PCBP3: variants seen among roughly 807,000 people sequenced by gnomAD.
The protein encoded by PCBP3 is poly(rC) binding protein 3.
PCBP3 carries 25 observed loss-of-function variants against 52.7 expected under a neutral mutation model. The ratio of observed to expected loss-of-function variants is 0.47; its 90% confidence interval spans 0.35 to 0.66. PCBP3 has a LOEUF of 0.66. Ranked by LOEUF, PCBP3 falls within the 30% of genes least tolerant of loss-of-function variation. PCBP3 has a pLI of 0.01. For missense variants in PCBP3, 391 were observed against 490.3 expected (o/e 0.80, Z 1.91); for synonymous variants, 162 against 183.0 (o/e 0.89, Z 0.93).
rs1174774571 is a variant in PCBP3, at chr21:45,880,795, C to A, written c.11-15413C>A. ...AAGTGGGTGGGAGAACTCACCCTGT[C>A]CCTGCCACGGAAGCCAGGGAGCCAG... On this transcript the variant is annotated intron_variant, in intron 5 of 17. Transcript: ENST00000681687. The surrounding 1 kb of genome is among the most constrained non-coding windows in gnomAD (Gnocchi z 5.4). 6.6e-6 allele frequency among the ~76,000 whole-genome samples: 1 copy of A among 152,180 alleles called. No individual in the cohort carries two copies. Among genetic ancestry groups the A allele is most frequent in the African/African-American group, 2.4e-5 (1 of 41,444 alleles).
chr21:45,711,792 A>G (rs1015223241), intron 2 of PCBP3, among the ~76,000 whole-genome samples: 3 of 152,252 alleles, frequency 2.0e-5, no homozygotes, highest in African/African-American at 7.2e-5. Flanking sequence ...GTTTTAAAAT[A>G]AAGTACATAC....
At chr21:45,935,471 G>T (rs777974679) in intron 16 of PCBP3, 166 bp downstream of exon 16, 2 of 701,928 alleles carry the variant, frequency 2.8e-6, no homozygotes, top group African/African-American at 1.7e-5. Context: ...TTTTAAAGTG[G>T]GTTTAATGCC....
intron 13 of PCBP3, among the ~76,000 whole-genome samples, chr21:45,926,914 C>T (rs545724785): frequency 1.3e-5 from 2 of 152,216 alleles, no homozygotes; most frequent in East Asian, 1.9e-4. Flanking sequence ...CATGGGAGAG[C>T]GGGGAGAAGA....
At chr21:45,645,532 C>T (rs1223493160) in intron 1 of PCBP3, among the ~76,000 whole-genome samples, 2 of 152,194 alleles carry the variant, frequency 1.3e-5, no homozygotes, top group Non-Finnish European at 2.9e-5. Context: ...AAAACCCACA[C>T]AGCTTTGTGG....
chr21:45,901,336 C>T (rs1208883342), intron 9 of PCBP3: 10 of 505,460 alleles, frequency 2.0e-5, no homozygotes, highest in East Asian at 1.4e-4. Context: ...CAGCTACTCC[C>T]GGCTGTATGC....
At chr21:45,867,498 G>A (rs1474972797) in intron 5 of PCBP3, among the ~76,000 whole-genome samples, 2 of 152,240 alleles carry the variant, frequency 1.3e-5, no homozygotes, top group East Asian at 3.8e-4. Flanking sequence ...CACCGCACGC[G>A]GAGGGTGCGG....
At chr21:45,726,023 T>G (rs913323870) in intron 2 of PCBP3, among the ~76,000 whole-genome samples, 1 of 152,004 alleles carries the variant, frequency 6.6e-6, no homozygotes, top group Admixed American at 6.5e-5. Flanking sequence ...GGGAAGGCAC[T>G]GGGGTGCAGG....
chr21:45,672,050 G>A (rs923756505), intron 2 of PCBP3, among the ~76,000 whole-genome samples: 4 of 152,122 alleles, frequency 2.6e-5, no homozygotes, highest in African/African-American at 9.7e-5. Flanking sequence ...TGGATCTTGA[G>A]GGCTGTTCCC....
At chr21:45,923,143 G>T (rs1228968349) in intron 13 of PCBP3, among the ~76,000 whole-genome samples, 1 of 152,260 alleles carries the variant, frequency 6.6e-6, no homozygotes, top group Non-Finnish European at 1.5e-5. Context: ...CACTTGCAGA[G>T]ATTTGGGCAG....
At chr21:45,895,936 G>A (rs937071257) in intron 5 of PCBP3, among the ~76,000 whole-genome samples, 1 of 152,274 alleles carries the variant, frequency 6.6e-6, no homozygotes, top group African/African-American at 2.4e-5. Context: ...GTGACCCTGG[G>A]CAGATGCAGA....
intron 17 of PCBP3, among the ~76,000 whole-genome samples, chr21:45,941,203 C>T (rs2077433528): frequency 6.6e-6 from 1 of 152,200 alleles, no homozygotes; most frequent in Non-Finnish European, 1.5e-5. Flanking sequence ...ATTGGCAAAC[C>T]CAGGGCGAGC....
chr21:45,698,204 G>T (rs540034532), intron 2 of PCBP3, among the ~76,000 whole-genome samples: 193 of 152,292 alleles, frequency 1.3e-3, no homozygotes, highest in African/African-American at 4.5e-3. Context: ...TTAGGCTGAG[G>T]TACCATCCTC....
intron 9 of PCBP3, 35 bp downstream of exon 9, chr21:45,901,148 CG>C (rs2096023851): frequency 1.4e-6 from 2 of 1,457,476 alleles, no homozygotes. Context: ...GCCAGCCTGG[CG>C]GGGGCAGGCC....
intron 4 of PCBP3, among the ~76,000 whole-genome samples, chr21:45,812,218 A>G (rs994648345): frequency 5.9e-5 from 9 of 152,134 alleles, no homozygotes; most frequent in African/African-American, 2.2e-4. Flanking sequence ...GTCTCAGTCA[A>G]TTTAGAGGTT....
chr21:45,911,035 C>A lies in PCBP3; in HGVS notation c.600+5C>A. The A allele has an allele frequency of 6.2e-7, 1 of 1,608,432 alleles. No homozygotes were observed. The highest frequency in any genetic ancestry group is 8.5e-7 in the Non-Finnish European group (1 of 1,179,898). On this transcript the variant is annotated splice_donor_5th_base_variant and intron_variant, in intron 11 of 17. Coordinates refer to ENST00000681687, the MANE Select transcript of PCBP3 (RefSeq NM_001384156.1). ...ATCTGTGTGGTCATGCTGGAGGTAC[C>A]GTCTGCGCGCCAGGGCCAGCCCACG...
intron 3 of PCBP3, among the ~76,000 whole-genome samples, chr21:45,754,567 TG>T (rs1764697424): frequency 1.3e-5 from 2 of 152,336 alleles, no homozygotes; most frequent in South Asian, 4.1e-4. Flanking sequence ...AAAATATTCG[TG>T]AGTTTTAAAT....
chr21:45,889,382 CT>C (rs779468559), intron 5 of PCBP3, among the ~76,000 whole-genome samples: 2 of 152,242 alleles, frequency 1.3e-5, no homozygotes, highest in Non-Finnish European at 2.9e-5. Context: ...TACTGTTCCC[CT>C]GATGCCTCCA....
intron 9 of PCBP3, among the ~76,000 whole-genome samples, chr21:45,908,739 C>A (rs1349314710): frequency 6.6e-6 from 1 of 152,202 alleles, no homozygotes; most frequent in South Asian, 2.1e-4. Flanking sequence ...CTGTCCCCCA[C>A]GGGTTGCCAG....
intron 13 of PCBP3, among the ~76,000 whole-genome samples, chr21:45,922,707 A>G (rs2074614997): frequency 6.6e-6 from 1 of 152,270 alleles, no homozygotes; most frequent in Non-Finnish European, 1.5e-5. Flanking sequence ...AGAGTTTGCC[A>G]TGTAGGCGAT....
Sources: allele counts gnomAD v4.1 joint callset (sites outside exome capture counted in the v4.1 genomes callset), GRCh38; gene constraint gnomAD v4.1.1; non-coding constraint Gnocchi (gnomAD v3.1); transcripts MANE v1.5; gene names NCBI Gene and HGNC (gene_info 2026-07-23, HGNC 2026-07-21).